The following KAZN variants were observed in gnomAD, a reference collection of about 807,000 sequenced individuals.
KAZN encodes the protein kazrin.
A neutral mutation model predicts 87.4 loss-of-function variants in KAZN; 40 were observed. That is an observed-to-expected ratio of 0.46 (90% CI 0.36 to 0.60). The LOEUF (loss-of-function observed/expected upper bound fraction) is 0.60, where lower values mean the gene tolerates loss of function less well. Ranked by LOEUF, KAZN falls within the 20% of genes least tolerant of loss-of-function variation. KAZN has a pLI of 0.00. For missense variants in KAZN, 898 were observed against 1,073.9 expected (o/e 0.84, Z 2.29); for synonymous variants, 466 against 458.3 (o/e 1.02, Z -0.22).
intron 2 of KAZN, among the ~76,000 whole-genome samples, chr1:14,994,664 G>A (rs1419337322): frequency 2.0e-5 from 3 of 152,208 alleles, no homozygotes; most frequent in African/African-American, 7.2e-5. Context: ...TCCTCTCAGC[G>A]TCTTAGAGGC....
At position 13,945,710 on chromosome 1, in the gene KAZN, T is replaced by TGTGTGAGAGA. The variant is rs757118365; in HGVS notation, c.91+51955_91+51956insTGTGAGAGAG. On this transcript the variant is annotated intron_variant, in intron 1 of 16. Transcript: ENST00000636203. ...GTGTGTGTGTGTGTGTGTGTGTGTGTGAGAGAGAGAGAGAGAGAGAGAGAG... is the reference window on the plus strand; with the variant it reads ...GTGTGTGTGTGTGTGTGTGTGTGTGTGTGTGAGAGAGAGAGAGAGAGAGAGAGAGAGAGAG... Among the ~76,000 whole-genome samples the TGTGTGAGAGA allele has an allele frequency of 5.5e-4, 76 of 137,270 alleles. 1 individual carries two copies. The highest frequency in any genetic ancestry group is 3.7e-3 in the Middle Eastern group (1 of 268). The allele number at this position is 137,270 out of a possible 152,430, so 90.1% of individuals were successfully genotyped here. A position where few individuals can be genotyped will look rare whatever the true frequency, so the allele number is the denominator to read the frequency against.
chr1:14,636,335 G>A (rs552458819), intron 1 of KAZN, among the ~76,000 whole-genome samples: 1 of 152,166 alleles, frequency 6.6e-6, no homozygotes, highest in Non-Finnish European at 1.5e-5. Flanking sequence ...CTAGGTGCTG[G>A]TGGAGAATAA....
Position 14,380,795 on chromosome 1 carries a change from G to A in KAZN, c.249+200203G>A, listed in dbSNP as rs117541294. ...AGAGGAGATAGAGAAAGAGACAGGG[G>A]TAGAAAGTTTAGTAAAAGGGATAAT... On this transcript the variant is annotated intron_variant, in intron 2 of 16. Transcript: ENST00000636203. Among the ~76,000 whole-genome samples the A allele has an allele frequency of 1.1e-3, 175 of 152,296 alleles. No individual in the cohort carries two copies. The East Asian group carries it at 0.03, about 26-fold the overall frequency.
intron 1 of KAZN, among the ~76,000 whole-genome samples, chr1:14,150,569 A>G (rs1435214962): frequency 6.6e-6 from 1 of 152,200 alleles, no homozygotes; most frequent in Non-Finnish European, 1.5e-5. Context: ...TACATCTTGC[A>G]TGTGATACAA....
intron 8 of KAZN, among the ~76,000 whole-genome samples, chr1:15,090,236 C>A (rs955373747): frequency 6.6e-6 from 1 of 152,208 alleles, no homozygotes; most frequent in African/African-American, 2.4e-5. Context: ...TGTCTTGGAA[C>A]TTTGGGTAAC....
At chr1:14,532,159 C>T (rs1323181045) in intron 2 of KAZN, among the ~76,000 whole-genome samples, 1 of 152,028 alleles carries the variant, frequency 6.6e-6, no homozygotes, top group African/African-American at 2.4e-5. Flanking sequence ...AATGGTTCAC[C>T]CATCCTGCTC....
intron 1 of KAZN, among the ~76,000 whole-genome samples, chr1:14,638,512 C>T (rs1240009591): frequency 6.7e-6 from 1 of 149,030 alleles, no homozygotes; most frequent in Non-Finnish European, 1.5e-5. Flanking sequence ...GAGGTTGCAG[C>T]GAGCTGAGAT....
intron 1 of KAZN, among the ~76,000 whole-genome samples, chr1:14,847,297 C>T (rs1335122556): frequency 6.6e-6 from 1 of 152,168 alleles, no homozygotes; most frequent in Non-Finnish European, 1.5e-5. Flanking sequence ...AGGGTGGCCA[C>T]AAGCTCAGGG....
At chr1:14,401,503 A>G (rs1663405016) in intron 2 of KAZN, among the ~76,000 whole-genome samples, 1 of 152,062 alleles carries the variant, frequency 6.6e-6, no homozygotes, top group Non-Finnish European at 1.5e-5. Flanking sequence ...GAATGCAAGG[A>G]TAGTATGAAG....
chr1:13,928,889 T>C (rs1640390670), intron 1 of KAZN, among the ~76,000 whole-genome samples: 1 of 151,966 alleles, frequency 6.6e-6, no homozygotes, highest in Non-Finnish European at 1.5e-5. Flanking sequence ...GAAAGAGCTC[T>C]AACAGGCGAT....
At chr1:14,745,783 C>T (rs12132834) in intron 1 of KAZN, among the ~76,000 whole-genome samples, 5,512 of 152,292 alleles carry the variant, frequency 0.036, 145 homozygotes, top group Non-Finnish European at 0.059. Context: ...CAGTCTTAGA[C>T]ACTGTTTCCT....
intron 1 of KAZN, among the ~76,000 whole-genome samples, chr1:13,910,760 T>A (rs896645252): frequency 5.3e-5 from 8 of 152,160 alleles, no homozygotes; most frequent in Admixed American, 3.9e-4. Flanking sequence ...ATATAGGGCC[T>A]AACTCCCACC....
At chr1:14,863,931 G>C (rs976772924) in intron 1 of KAZN, among the ~76,000 whole-genome samples, 1 of 152,180 alleles carries the variant, frequency 6.6e-6, no homozygotes, top group Non-Finnish European at 1.5e-5. Context: ...GCCTGAGTTG[G>C]GGGGATGTGC....
intron 1 of KAZN, among the ~76,000 whole-genome samples, chr1:14,700,145 T>C (rs1399990095): frequency 1.3e-5 from 2 of 152,092 alleles, no homozygotes; most frequent in Non-Finnish European, 2.9e-5. Flanking sequence ...AGAAAGTCTT[T>C]GAAAACCCGA....
rs767520577 is a variant in KAZN, at chr1:14,236,341, C to T, written c.249+55749C>T. Among the ~76,000 whole-genome samples the T allele has an allele frequency of 3.7e-4, 56 of 152,144 alleles. 1 individual carries two copies. The highest frequency in any genetic ancestry group is 1.9e-4 in the Non-Finnish European group (13 of 68,016). ...GATCCTGAGATGGAAGGGAGGGTTTCGCCCCTCTTCCTAGTCCAACATCTG... is the reference window on the plus strand; with the variant it reads ...GATCCTGAGATGGAAGGGAGGGTTTTGCCCCTCTTCCTAGTCCAACATCTG... On this transcript the variant is annotated intron_variant, in intron 2 of 16. Transcript: ENST00000636203.
intron 2 of KAZN, among the ~76,000 whole-genome samples, chr1:14,386,332 A>G (rs1404811588): frequency 6.8e-6 from 1 of 147,860 alleles, no homozygotes; most frequent in Non-Finnish European, 1.5e-5. Context: ...TAATATTGTT[A>G]TGTGTGAATT....
intron 2 of KAZN, among the ~76,000 whole-genome samples, chr1:15,010,618 G>A (rs964092969): frequency 2.0e-5 from 3 of 151,920 alleles, no homozygotes; most frequent in African/African-American, 7.3e-5. Flanking sequence ...GGTCTCAATC[G>A]CCTGACCTCG....
At chr1:14,626,085 T>C (rs1466318275) in intron 1 of KAZN, among the ~76,000 whole-genome samples, 7 of 152,240 alleles carry the variant, frequency 4.6e-5, no homozygotes, top group Non-Finnish European at 2.9e-5. Flanking sequence ...TTCGTTCTCA[T>C]ACCTGGTGGG....
At chr1:14,124,827 T>C (rs1205624994) in intron 1 of KAZN, among the ~76,000 whole-genome samples, 2 of 152,134 alleles carry the variant, frequency 1.3e-5, no homozygotes, top group Non-Finnish European at 2.9e-5. Context: ...GGCATGGAAA[T>C]GTGGTTTGGA....
Sources: allele counts gnomAD v4.1 joint callset (sites outside exome capture counted in the v4.1 genomes callset), GRCh38; gene constraint gnomAD v4.1.1; transcripts MANE v1.5; gene names NCBI Gene and HGNC (gene_info 2026-07-23, HGNC 2026-07-21).